The following FAF2 variants were observed in gnomAD, a reference collection of about 807,000 sequenced individuals.
The protein encoded by FAF2 is Fas associated factor family member 2.
Under a neutral mutation model 62.3 loss-of-function variants are expected in FAF2, and 9 were observed. The ratio of observed to expected loss-of-function variants is 0.14; its 90% confidence interval spans 0.09 to 0.25. The LOEUF (loss-of-function observed/expected upper bound fraction) is 0.25, where lower values mean the gene tolerates loss of function less well. FAF2 is among the 10% of genes least tolerant of loss of function. The pLI, the probability that FAF2 is intolerant of heterozygous loss-of-function variation, is 1.00. For synonymous variants in FAF2, 202 were observed against 198.0 expected (o/e 1.02, Z -0.17); for missense variants, 368 against 556.2 (o/e 0.66, Z 3.40).
intron 2 of FAF2, among the ~76,000 whole-genome samples, chr5:176,482,490 G>A (rs1758798985): frequency 6.6e-6 from 1 of 152,114 alleles, no homozygotes; most frequent in Non-Finnish European, 1.5e-5. Flanking sequence ...TGGAATTACA[G>A]GCGTAAGCAC....
rs898246863 is a variant in FAF2 at position 176,507,304 on chromosome 5, C to T, written c.*354C>T. ...GGGGACATTCCCACTAGTTCTCATT[C>T]ATTCTTGCTTTTATGAAAAATAAAA... On this transcript the variant is annotated 3_prime_UTR_variant, in exon 11 of 11. Coordinates refer to ENST00000261942, the MANE Select transcript of FAF2 (RefSeq NM_014613.3). 3.5e-5 allele frequency: 16 copies of T among 454,268 alleles called. No homozygotes were observed. Among genetic ancestry groups the T allele is most frequent in the African/African-American group, 3.0e-4 (15 of 49,930 alleles). The allele number at this position is 454,268 out of a possible 1,614,324, so 28.1% of individuals were successfully genotyped here.
chr5:176,451,787 TATATATATATAC>T (rs1758175995), intron 1 of FAF2, among the ~76,000 whole-genome samples: 2 of 67,364 alleles, frequency 3.0e-5, no homozygotes, highest in Non-Finnish European at 5.6e-5. Context: ...TGTGTGTGTG[TATATATATATAC>T]ATATATATAT....
At chr5:176,458,074 T>C (rs948795479) in intron 1 of FAF2, among the ~76,000 whole-genome samples, 1 of 151,924 alleles carries the variant, frequency 6.6e-6, no homozygotes, top group Non-Finnish European at 1.5e-5. Flanking sequence ...TCTTCTCTTT[T>C]CACTCCTCTT....
chr5:176,455,618 G>A (rs142003579), intron 1 of FAF2, among the ~76,000 whole-genome samples: 3,538 of 152,036 alleles, frequency 0.023, 138 homozygotes, highest in Admixed American at 0.11. Context: ...ATTTGGTGGC[G>A]GGTGCCTGTA....
intron 2 of FAF2, among the ~76,000 whole-genome samples, chr5:176,485,185 G>T (rs1758855084): frequency 6.6e-6 from 1 of 152,140 alleles, no homozygotes; most frequent in Non-Finnish European, 1.5e-5. Flanking sequence ...AGAGGTCTTG[G>T]AACATATCCC....
At chr5:176,479,937 C>T (rs975220406) in intron 2 of FAF2, among the ~76,000 whole-genome samples, 9 of 152,150 alleles carry the variant, frequency 5.9e-5, no homozygotes, top group Non-Finnish European at 8.8e-5. Flanking sequence ...TCAGATGATC[C>T]GCCCCGCTCA....
At chr5:176,476,627 C>CTTTTTT (rs58104178) in intron 1 of FAF2, among the ~76,000 whole-genome samples, 10 of 95,058 alleles carry the variant, frequency 1.1e-4, no homozygotes, top group East Asian at 3.8e-4. Context: ...ATTAGAGTCC[C>CTTTTTT]TTTTTTTTTT....
chr5:176,476,758 G>T (rs1012256842), intron 1 of FAF2, among the ~76,000 whole-genome samples: 1 of 145,708 alleles, frequency 6.9e-6, no homozygotes, highest in African/African-American at 2.5e-5. Flanking sequence ...ACAGCCTCCC[G>T]AGAGTATCTG....
At chr5:176,475,707 G>T (rs1271503235) in intron 1 of FAF2, among the ~76,000 whole-genome samples, 10 of 152,040 alleles carry the variant, frequency 6.6e-5, no homozygotes, top group Non-Finnish European at 1.5e-4. Flanking sequence ...GGCGCAGGTT[G>T]CAGTGAGCCG....
At chr5:176,489,299 C>A (rs1013287658) in intron 4 of FAF2, among the ~76,000 whole-genome samples, 1 of 148,324 alleles carries the variant, frequency 6.7e-6, no homozygotes, top group African/African-American at 2.5e-5. Flanking sequence ...CCCTCCCCCC[C>A]CCACCATATT....
rs1414509151 is a variant in FAF2, at chr5:176,504,233, T to C, written c.1156-2535T>C. 2.6e-5 allele frequency among the ~76,000 whole-genome samples: 4 copies of C among 152,092 alleles called. No homozygotes were observed. In the South Asian group the frequency reaches 6.2e-4, roughly 24 times the overall value. On this transcript the variant is annotated intron_variant, in intron 10 of 10. Transcript: ENST00000261942. ...GTTCACGCCTCTAATCCCAGGACTT[T>C]GGGAGGCCGAGACGGGTGGGTCACC...
chr5:176,470,409 G>A (rs781220949), intron 1 of FAF2, among the ~76,000 whole-genome samples: 2 of 152,244 alleles, frequency 1.3e-5, no homozygotes, highest in Non-Finnish European at 2.9e-5. Context: ...GAAACCCGGT[G>A]TGCACTAAAA....
At position 176,508,734 on chromosome 5, in the gene FAF2, A is replaced by G. The variant is rs12341; in HGVS notation, c.*1784A>G. On this transcript the variant is annotated 3_prime_UTR_variant, in exon 11 of 11. Coordinates refer to ENST00000261942, the MANE Select transcript of FAF2 (RefSeq NM_014613.3). ...TGGAATCACCATCTGACTGCTGTCAATAAAATGTATCTGGCGTGAACAGCA... is the reference window on the plus strand; with the variant it reads ...TGGAATCACCATCTGACTGCTGTCAGTAAAATGTATCTGGCGTGAACAGCA... 23,199 of 152,254 alleles carry G rather than the reference A, an allele frequency of 0.15. 1,868 individuals carry two copies. Among genetic ancestry groups the G allele is most frequent in the Non-Finnish European group, 0.18 (12,164 of 68,016 alleles). The allele number at this position is 152,254 out of a possible 1,614,324, so 9.4% of individuals were successfully genotyped here. A position where few individuals can be genotyped will look rare whatever the true frequency, so the allele number is the denominator to read the frequency against.
intron 2 of FAF2, among the ~76,000 whole-genome samples, chr5:176,482,243 A>C (rs1486555200): frequency 6.8e-6 from 1 of 148,036 alleles, no homozygotes; most frequent in East Asian, 2.0e-4. Flanking sequence ...TTTGAGATGA[A>C]GTTTCACTCT....
intron 5 of FAF2, 41 bp from the exon 6 acceptor site, chr5:176,493,958 C>T (rs372486684): frequency 2.9e-6 from 4 of 1,381,974 alleles, no homozygotes; most frequent in African/African-American, 1.4e-5. Context: ...AAGCTCAAGG[C>T]ACAGTCTTCT....
At chr5:176,468,627 G>A (rs189170343) in intron 1 of FAF2, among the ~76,000 whole-genome samples, 1 of 151,892 alleles carries the variant, frequency 6.6e-6, no homozygotes, top group African/African-American at 2.4e-5. Context: ...TCAAAAGAAA[G>A]TTCCTTTTAA....
chr5:176,465,230 C>T (rs1356352001), intron 1 of FAF2, among the ~76,000 whole-genome samples: 1 of 152,102 alleles, frequency 6.6e-6, no homozygotes, highest in Non-Finnish European at 1.5e-5. Context: ...ACCCCAAACC[C>T]TTTGTCCATA....
chr5:176,454,382 C>A (rs1010943122), intron 1 of FAF2, among the ~76,000 whole-genome samples: 1 of 148,406 alleles, frequency 6.7e-6, no homozygotes, highest in Non-Finnish European at 1.5e-5. Context: ...CAACAGAGTG[C>A]GACTCCGTCT....
At chr5:176,481,655 T>A (rs1308119135) in intron 2 of FAF2, among the ~76,000 whole-genome samples, 1 of 149,962 alleles carries the variant, frequency 6.7e-6, no homozygotes, top group Non-Finnish European at 1.5e-5. Context: ...AGACTCTGTC[T>A]CAAAAAAAAA....
Sources: allele counts gnomAD v4.1 joint callset (sites outside exome capture counted in the v4.1 genomes callset), GRCh38; gene constraint gnomAD v4.1.1; transcripts MANE v1.5; gene names NCBI Gene and HGNC (gene_info 2026-07-23, HGNC 2026-07-21).